KCNC4: variants seen among roughly 807,000 people sequenced by gnomAD.
The protein encoded by KCNC4 is voltage-gated potassium channel KCNC4.
In KCNC4, 23 loss-of-function variants were observed where a neutral mutation model predicts 42.8. The observed-to-expected ratio is 0.54, with a 90% confidence interval of 0.39 to 0.76. KCNC4 has a LOEUF of 0.76. Ranked by LOEUF, KCNC4 falls within the 30% of genes least tolerant of loss-of-function variation. KCNC4 has a pLI of 0.00. For missense variants in KCNC4, 751 were observed against 898.2 expected, an observed-to-expected ratio of 0.84 and a Z score of 2.10; for synonymous variants, 422 against 393.5, an observed-to-expected ratio of 1.07 and a Z score of -0.86.
intron 1 of KCNC4, among the ~76,000 whole-genome samples, chr1:110,273,955 C>G (rs1424049022): frequency 6.6e-6 from 1 of 151,996 alleles, no homozygotes; most frequent in Non-Finnish European, 1.5e-5. Flanking sequence ...AGGACTAAAA[C>G]GTTATTAAGA....
intron 1 of KCNC4, among the ~76,000 whole-genome samples, chr1:110,280,113 T>C (rs1659794846): frequency 6.6e-6 from 1 of 152,132 alleles, no homozygotes; most frequent in African/African-American, 2.4e-5. Context: ...TTGAGTGCTG[T>C]GTTCCATCAG....
downstream of KCNC4, chr1:110,238,375 G>T (rs1298987687): frequency 6.6e-6 from 1 of 152,240 alleles, no homozygotes; most frequent in Non-Finnish European, 1.5e-5. Flanking sequence ...GCTAGGGCTT[G>T]CTCCCTTTCT....
intron 1 of KCNC4, among the ~76,000 whole-genome samples, chr1:110,269,834 C>T (rs895343486): frequency 6.6e-6 from 1 of 152,142 alleles, no homozygotes; most frequent in African/African-American, 2.4e-5. Flanking sequence ...AGTTATTTTG[C>T]ATTTTTACAA....
At position 110,211,944 on chromosome 1, in the gene KCNC4, C is replaced by T; in HGVS notation, c.445C>T (p.Arg149Trp). Residue 149 changes from arginine (R) to tryptophan (W), a missense_variant, in exon 1 of 4, where the codon CGG becomes TGG. Arg to Trp is a moderately radical substitution (Grantham distance 101). Transcript: ENST00000438661. The surrounding 1 kb of genome is among the most constrained non-coding windows in gnomAD (Gnocchi z 6.5). ...DVEPCCWMTY[R>W]QHRDAEEALD... ...GGAACCCTGCTGCTGGATGACCTACCGGCAGCACCGCGACGCCGAGGAGGC... is the reference window on the plus strand; with the variant it reads ...GGAACCCTGCTGCTGGATGACCTACTGGCAGCACCGCGACGCCGAGGAGGC... The T allele has an allele frequency of 3.1e-6, 5 of 1,611,374 alleles. No individual in the cohort carries two copies. Among genetic ancestry groups the T allele is most frequent in the Non-Finnish European group, 4.2e-6 (5 of 1,179,770 alleles).
intron 1 of KCNC4, among the ~76,000 whole-genome samples, chr1:110,216,259 G>C (rs1339601128): frequency 6.6e-6 from 1 of 152,228 alleles, no homozygotes; most frequent in Admixed American, 6.5e-5. Flanking sequence ...CACTGATGCT[G>C]TGCCCTCTGA....
chr1:110,217,521 C>A (rs1469969347), intron 1 of KCNC4, among the ~76,000 whole-genome samples: 1 of 152,110 alleles, frequency 6.6e-6, no homozygotes, highest in Non-Finnish European at 1.5e-5. Context: ...CCTGGGTGGG[C>A]AATAACCAGG....
intron 3 of KCNC4, among the ~76,000 whole-genome samples, chr1:110,227,662 G>A (rs190390556): frequency 6.6e-6 from 1 of 152,332 alleles, no homozygotes; most frequent in African/African-American, 2.4e-5. Context: ...GCCTTGCTCT[G>A]GCTGGACCGT....
chr1:110,238,392 A>C (rs1658954977), downstream of KCNC4: 1 of 152,224 alleles, frequency 6.6e-6, no homozygotes, highest in African/African-American at 2.4e-5. Context: ...TTCTCTCCTC[A>C]CATACTCTTT....
At chr1:110,225,013 TAGA>T (rs1260369273) in intron 2 of KCNC4, 2 of 152,232 alleles carry the variant, frequency 1.3e-5, no homozygotes, top group African/African-American at 4.8e-5. Context: ...AAGGCCTTGA[TAGA>T]AGAGCATCCA....
At position 110,223,860 on chromosome 1, in the gene KCNC4, C is replaced by T. The variant is rs750070382; in HGVS notation, c.1575C>T (p.Pro525=). 8 of 1,605,176 alleles carry T rather than the reference C, an allele frequency of 5.0e-6. No homozygotes were observed. Among genetic ancestry groups the T allele is most frequent in the Non-Finnish European group, 6.8e-6 (8 of 1,173,910 alleles). ...ACAGCACCTGCAGTGATACCAGCCC[C>T]CCTGCCCGGGAAGAGGGTATGATCG... ...PRDSTCSDTS[P]PAREEGMIER... is the part of the protein sequence containing the mutation. Residue 525 remains proline (P), a synonymous_variant, in exon 2 of 4, where the codon CCC becomes CCT. Transcript: ENST00000438661. The surrounding 1 kb of genome is among the most constrained non-coding windows in gnomAD (Gnocchi z 7.5).
intron 1 of KCNC4, among the ~76,000 whole-genome samples, chr1:110,263,842 G>T (rs866919563): frequency 2.7e-4 from 41 of 151,708 alleles, no homozygotes; most frequent in Admixed American, 1.3e-3. Flanking sequence ...AGCTGAATGG[G>T]GGTCTCCATT....
At chr1:110,264,643 T>C (rs1471350522) in intron 1 of KCNC4, among the ~76,000 whole-genome samples, 1 of 152,240 alleles carries the variant, frequency 6.6e-6, no homozygotes, top group East Asian at 1.9e-4. Flanking sequence ...AAGCCACTGT[T>C]ACCTTCCTGC....
intron 1 of KCNC4, among the ~76,000 whole-genome samples, chr1:110,217,101 G>A (rs912053048): frequency 6.6e-6 from 1 of 152,196 alleles, no homozygotes; most frequent in African/African-American, 2.4e-5. Context: ...AGGGGGCCAT[G>A]CTCCTGACAA....
chr1:110,281,555 A>AACACACACAC lies in KCNC4; in HGVS notation n.31-953_31-944dup, dbSNP rs55839432. 7.6e-3 allele frequency among the ~76,000 whole-genome samples: 1,065 copies of AACACACACAC among 140,404 alleles called. 12 individuals are homozygous for AACACACACAC. Among genetic ancestry groups the AACACACACAC allele is most frequent in the African/African-American group, 0.021 (778 of 37,078 alleles). 92.1% of individuals were successfully genotyped at this position (140,404 alleles called of 152,430 possible). On this transcript the variant is annotated intron_variant and non_coding_transcript_variant, in intron 1 of 2. Coordinates refer to the KCNC4 transcript ENST00000412512. ...TTATCTGACTCCCCACATATGTAAA[A>AACACACACAC]ACACACACACACACACACACACACA...
intron 1 of KCNC4, among the ~76,000 whole-genome samples, chr1:110,263,226 G>C (rs1177537515): frequency 6.6e-6 from 1 of 152,184 alleles, no homozygotes; most frequent in African/African-American, 2.4e-5. Flanking sequence ...CTGGATGCTG[G>C]CTCATCCCTT....
chr1:110,225,453 C>G (rs1313201511), intron 2 of KCNC4: 1 of 152,888 alleles, frequency 6.5e-6, no homozygotes, highest in Non-Finnish European at 1.5e-5. Flanking sequence ...GGCTCTAGGT[C>G]TTTTGGGCAC....
intron 1 of KCNC4, among the ~76,000 whole-genome samples, chr1:110,257,578 A>G (rs1335979471): frequency 6.6e-6 from 1 of 151,754 alleles, no homozygotes. Context: ...AAAATTAGCC[A>G]GGCAAGGTGG....
At chr1:110,214,711 CCTT>C (rs1485716721) in intron 1 of KCNC4, among the ~76,000 whole-genome samples, 1 of 152,202 alleles carries the variant, frequency 6.6e-6, no homozygotes, top group Admixed American at 6.5e-5. Flanking sequence ...GATTACAACA[CCTT>C]CTTTCCACTG....
At chr1:110,241,220 C>T (rs951188818) in exon 4 of KCNC4, 2 of 152,258 alleles carry the variant, frequency 1.3e-5, no homozygotes, top group African/African-American at 4.8e-5. Flanking sequence ...GCCAGAGGCT[C>T]TTGCTAACTA....
Sources: allele counts gnomAD v4.1 joint callset (sites outside exome capture counted in the v4.1 genomes callset), GRCh38; gene constraint gnomAD v4.1.1; non-coding constraint Gnocchi (gnomAD v3.1); transcripts MANE v1.5; gene names NCBI Gene and HGNC (gene_info 2026-07-23, HGNC 2026-07-21).